Variants in WDPCP observed in about 807,000 individuals in gnomAD.
WDPCP encodes WD repeat containing planar cell polarity effector.
WDPCP carries 71 observed loss-of-function variants against 93.1 expected under a neutral mutation model. The observed-to-expected ratio is 0.76, with a 90% CI of 0.63 to 0.93. WDPCP has a LOEUF of 0.93. Among genes scored for constraint, WDPCP ranks in the 40% least tolerant of loss-of-function variants. The probability of loss-of-function intolerance (pLI) is 0.00; values close to 1 mark genes in which losing one functional copy is unlikely to be tolerated. For missense variants in WDPCP, 844 were observed against 887.4 expected (o/e 0.95, Z 0.62); for synonymous variants, 315 against 315.0 (o/e 1.00, Z 0.00).
intron 1 of WDPCP, among the ~76,000 whole-genome samples, chr2:63,562,701 T>C (rs182371104): frequency 1.3e-5 from 2 of 152,222 alleles, no homozygotes; most frequent in South Asian, 2.1e-4. Flanking sequence ...AGCTTTCCAA[T>C]TGAAACTTAT....
intron 8 of WDPCP, among the ~76,000 whole-genome samples, chr2:63,436,964 C>A (rs574757563): frequency 6.6e-6 from 1 of 152,106 alleles, no homozygotes; most frequent in African/African-American, 2.4e-5. Flanking sequence ...GGGGAGGGTT[C>A]TTCCCCCTCC....
intron 14 of WDPCP, among the ~76,000 whole-genome samples, chr2:63,189,533 C>A (rs1674883002): frequency 6.6e-6 from 1 of 152,158 alleles, no homozygotes; most frequent in Non-Finnish European, 1.5e-5. Flanking sequence ...TTGCTAATGT[C>A]ACTTATGTAT....
At chr2:63,439,511 CTTCTT>C (rs1232011956) in intron 7 of WDPCP, among the ~76,000 whole-genome samples, 3 of 152,102 alleles carry the variant, frequency 2.0e-5, no homozygotes, top group African/African-American at 4.8e-5. Context: ...AAAATGTTCA[CTTCTT>C]TTAAGGAAAA....
chr2:63,501,950 A>G (rs1377774679), intron 1 of WDPCP, among the ~76,000 whole-genome samples: 4 of 152,164 alleles, frequency 2.6e-5, no homozygotes, highest in Non-Finnish European at 4.4e-5. Context: ...TAAAATTACA[A>G]AAGCAACACA....
At chr2:63,273,930 T>C (rs1265449035) in intron 13 of WDPCP, among the ~76,000 whole-genome samples, 2 of 152,058 alleles carry the variant, frequency 1.3e-5, no homozygotes, top group South Asian at 2.1e-4. Context: ...ATTCTCAGCA[T>C]TGGACAGATA....
At chr2:63,286,277 A>G (rs1683996702) in intron 13 of WDPCP, among the ~76,000 whole-genome samples, 1 of 152,186 alleles carries the variant, frequency 6.6e-6, no homozygotes, top group African/African-American at 2.4e-5. Context: ...GATGGCCTGA[A>G]GCAACTGAAG....
At chr2:63,536,772 G>GTTTTTTTTT (rs1558773850) in intron 1 of WDPCP, among the ~76,000 whole-genome samples, 1 of 35,480 alleles carries the variant, frequency 2.8e-5, no homozygotes, top group East Asian at 3.9e-3. Context: ...GATTCTTCAT[G>GTTTTTTTTT]CTTTTTTTTT....
At chr2:63,193,403 CAA>C (rs1048092025) in intron 14 of WDPCP, among the ~76,000 whole-genome samples, 16 of 152,148 alleles carry the variant, frequency 1.1e-4, no homozygotes, top group African/African-American at 3.4e-4. Context: ...GAAAATAGAT[CAA>C]GAGAGCAAAC....
chr2:63,275,980 C>G (rs1455629276), intron 13 of WDPCP, among the ~76,000 whole-genome samples: 2 of 152,202 alleles, frequency 1.3e-5, no homozygotes, highest in Non-Finnish European at 2.9e-5. Context: ...GATCACCCTG[C>G]AGGCTCCCTG....
At chr2:63,160,872 T>C (rs1225338393) in intron 15 of WDPCP, among the ~76,000 whole-genome samples, 1 of 152,178 alleles carries the variant, frequency 6.6e-6, no homozygotes, top group Non-Finnish European at 1.5e-5. Flanking sequence ...ATATATCTCA[T>C]GTTGTGATGT....
intron 2 of WDPCP, among the ~76,000 whole-genome samples, chr2:63,666,760 T>C (rs1006063080): frequency 2.0e-5 from 3 of 152,142 alleles, no homozygotes; most frequent in African/African-American, 7.2e-5. Context: ...GGAGTGGAAA[T>C]GCTGAACGTG....
At chr2:63,209,391 T>C (rs1676592121) in intron 14 of WDPCP, among the ~76,000 whole-genome samples, 1 of 152,188 alleles carries the variant, frequency 6.6e-6, no homozygotes, top group South Asian at 2.1e-4. Context: ...TTAGGGTTCC[T>C]TGAGAGACCT....
chr2:63,237,515 C>A (rs1477921209), intron 14 of WDPCP, among the ~76,000 whole-genome samples: 1 of 152,092 alleles, frequency 6.6e-6, no homozygotes, highest in Non-Finnish European at 1.5e-5. Flanking sequence ...ACCAAAGATA[C>A]CCGGCCTTGT....
intron 2 of WDPCP, among the ~76,000 whole-genome samples, chr2:63,660,808 A>C (rs560214257): frequency 1.3e-5 from 2 of 152,342 alleles, no homozygotes; most frequent in East Asian, 3.9e-4. Flanking sequence ...TATTATTTTC[A>C]AAAAGATTTA....
chr2:63,173,805 G>C (rs1231767596), intron 15 of WDPCP, among the ~76,000 whole-genome samples: 1 of 152,148 alleles, frequency 6.6e-6, no homozygotes, highest in Non-Finnish European at 1.5e-5. Flanking sequence ...AATGTGTACA[G>C]TTTGAGGCAT....
intron 17 of WDPCP, among the ~76,000 whole-genome samples, chr2:63,127,997 G>A (rs1458882535): frequency 6.6e-6 from 1 of 151,844 alleles, no homozygotes; most frequent in Non-Finnish European, 1.5e-5. Flanking sequence ...AAATTAGCCG[G>A]GTGTGGTAGC....
intron 1 of WDPCP, among the ~76,000 whole-genome samples, chr2:63,555,140 T>G (rs567430118): frequency 6.6e-6 from 1 of 152,216 alleles, no homozygotes; most frequent in East Asian, 1.9e-4. Flanking sequence ...GGTCTGCTAT[T>G]TTTCCCCTGC....
At chr2:63,470,164 C>T (rs758452408) in intron 6 of WDPCP, among the ~76,000 whole-genome samples, 3 of 152,198 alleles carry the variant, frequency 2.0e-5, no homozygotes, top group Non-Finnish European at 2.9e-5. Flanking sequence ...TCTTCAGTCT[C>T]CTCTGTTTCT....
At chr2:63,365,628 A>AT (rs1273823087) in intron 12 of WDPCP, among the ~76,000 whole-genome samples, 1 of 152,002 alleles carries the variant, frequency 6.6e-6, no homozygotes, top group Admixed American at 6.6e-5. Flanking sequence ...GAGCACCAAT[A>AT]TTTTTTGAAA....
Sources: allele counts gnomAD v4.1 joint callset (sites outside exome capture counted in the v4.1 genomes callset), GRCh38; gene constraint gnomAD v4.1.1; transcripts MANE v1.5; gene names NCBI Gene and HGNC (gene_info 2026-07-23, HGNC 2026-07-21).